NWD2: variants seen among roughly 807,000 people sequenced by gnomAD.
NWD2 encodes NACHT and WD repeat domain-containing protein 2.
A neutral mutation model predicts 132.7 loss-of-function variants in NWD2; 37 were observed. The observed-to-expected ratio is 0.28, with a 90% CI of 0.21 to 0.37. The LOEUF (loss-of-function observed/expected upper bound fraction) is 0.37. Ranked by LOEUF, NWD2 falls within the 10% of genes least tolerant of loss-of-function variation. The probability of loss-of-function intolerance (pLI) is 1.00; values close to 1 mark genes in which losing one functional copy is unlikely to be tolerated. For missense variants in NWD2, 1,592 were observed against 2,122.4 expected, an observed-to-expected ratio of 0.75 and a Z score of 4.91; for synonymous variants, 705 against 803.0, an observed-to-expected ratio of 0.88 and a Z score of 2.06.
chr4:37,413,949 C>T (rs936580717), intron 3 of NWD2, among the ~76,000 whole-genome samples: 10 of 151,910 alleles, frequency 6.6e-5, no homozygotes, highest in African/African-American at 2.4e-4. Context: ...GAGAAGGGAA[C>T]ATCACACACC....
intron 1 of NWD2, among the ~76,000 whole-genome samples, chr4:37,258,071 T>C (rs964334363): frequency 6.6e-6 from 1 of 152,272 alleles, no homozygotes; most frequent in Non-Finnish European, 1.5e-5. Context: ...ATCCTGTTAA[T>C]CTTTTAGACC....
chr4:37,442,902 G>A (rs189927522), intron 6 of NWD2, among the ~76,000 whole-genome samples: 2 of 151,742 alleles, frequency 1.3e-5, no homozygotes, highest in Admixed American at 1.3e-4. Flanking sequence ...AGGACCTACT[G>A]TGTGCCAACA....
chr4:37,258,245 CTATT>C (rs1366707755), intron 1 of NWD2, among the ~76,000 whole-genome samples: 5 of 152,246 alleles, frequency 3.3e-5, no homozygotes, highest in African/African-American at 9.6e-5. Context: ...GATTAAAAGA[CTATT>C]TAATTCCAAG....
At chr4:37,359,389 G>T (rs1553895476) in intron 3 of NWD2, among the ~76,000 whole-genome samples, 1 of 150,614 alleles carries the variant, frequency 6.6e-6, no homozygotes, top group Middle Eastern at 3.4e-3. Context: ...TATAGAAAAA[G>T]AAAAAAAAAG....
intron 2 of NWD2, among the ~76,000 whole-genome samples, chr4:37,333,702 A>G (rs1719339436): frequency 6.6e-6 from 1 of 152,130 alleles, no homozygotes; most frequent in Non-Finnish European, 1.5e-5. Flanking sequence ...ATCCAGGAAA[A>G]CATGATCTCC....
chr4:37,329,764 G>C (rs775001648), intron 2 of NWD2, among the ~76,000 whole-genome samples: 2 of 152,192 alleles, frequency 1.3e-5, no homozygotes, highest in African/African-American at 2.4e-5. Flanking sequence ...GAGGTGATAT[G>C]ACTTACCATT....
chr4:37,412,378 A>G (rs1163857258), intron 3 of NWD2, among the ~76,000 whole-genome samples: 1 of 152,232 alleles, frequency 6.6e-6, no homozygotes, highest in Non-Finnish European at 1.5e-5. Context: ...ACTCCCATTC[A>G]CAATTGCTAC....
chr4:37,420,414 G>A (rs977816921), intron 3 of NWD2, among the ~76,000 whole-genome samples: 3 of 152,218 alleles, frequency 2.0e-5, no homozygotes, highest in African/African-American at 7.2e-5. Context: ...GGCCGGGCAT[G>A]GTGGCTCACA....
chr4:37,358,352 G>T (rs73130367), intron 3 of NWD2, among the ~76,000 whole-genome samples: 1 of 150,168 alleles, frequency 6.7e-6, no homozygotes, highest in Non-Finnish European at 1.5e-5. Flanking sequence ...ACGTGGTTTG[G>T]GGGGGTTGGG....
chr4:37,426,958 C>T lies in NWD2; in HGVS notation c.358-3614C>T, dbSNP rs1421561184. ...CAGTCATGATGGTGCTGTCCAGGGA[C>T]AAGATCTTGTTTCTGTTCTCTCTCT... On this transcript the variant is annotated intron_variant, in intron 3 of 6. Transcript: ENST00000309447. 2.0e-5 allele frequency among the ~76,000 whole-genome samples: 3 copies of T among 152,156 alleles called. No individual in the cohort carries two copies. In the East Asian group the frequency reaches 5.8e-4, roughly 29 times the overall value.
At chr4:37,428,951 CAAACT>C (rs1712086389) in intron 3 of NWD2, among the ~76,000 whole-genome samples, 1 of 152,130 alleles carries the variant, frequency 6.6e-6, no homozygotes, top group Non-Finnish European at 1.5e-5. Flanking sequence ...AGGCTGATCT[CAAACT>C]CCTGACCTGA....
At chr4:37,316,061 T>A (rs1055084732) in intron 1 of NWD2, among the ~76,000 whole-genome samples, 21 of 151,800 alleles carry the variant, frequency 1.4e-4, no homozygotes, top group Non-Finnish European at 2.5e-4. Flanking sequence ...AAGATCTACT[T>A]ATATAGTCTT....
intron 1 of NWD2, among the ~76,000 whole-genome samples, chr4:37,299,989 C>T (rs13132778): frequency 6.6e-6 from 1 of 152,122 alleles, no homozygotes; most frequent in Non-Finnish European, 1.5e-5. Context: ...TGTGCTACTT[C>T]CTCAAATACA....
At chr4:37,363,713 T>C (rs1329106553) in intron 3 of NWD2, among the ~76,000 whole-genome samples, 1 of 152,182 alleles carries the variant, frequency 6.6e-6, no homozygotes, top group Non-Finnish European at 1.5e-5. Flanking sequence ...GGTACTATGC[T>C]GAGCACCTGG....
intron 3 of NWD2, among the ~76,000 whole-genome samples, chr4:37,388,650 A>G (rs12505051): frequency 0.024 from 3,535 of 147,436 alleles, 100 homozygotes; most frequent in African/African-American, 0.063. Context: ...ATAAATATAT[A>G]TATCATATAT....
At chr4:37,341,104 T>C (rs11096867) in intron 2 of NWD2, among the ~76,000 whole-genome samples, 3,487 of 152,340 alleles carry the variant, frequency 0.023, 100 homozygotes, top group East Asian at 0.12. Context: ...ACACATTCAG[T>C]AGAAACTGCA....
chr4:37,259,802 C>T (rs1260304951), intron 1 of NWD2, among the ~76,000 whole-genome samples: 1 of 152,146 alleles, frequency 6.6e-6, no homozygotes, highest in Non-Finnish European at 1.5e-5. Context: ...ACCGTAGTGC[C>T]AGGAGAAAAG....
At chr4:37,345,508 G>A (rs1168517608) in intron 2 of NWD2, among the ~76,000 whole-genome samples, 1 of 152,060 alleles carries the variant, frequency 6.6e-6, no homozygotes, top group African/African-American at 2.4e-5. Context: ...ATTCTGTGAA[G>A]AAATGTCTAC....
chr4:37,318,646 A>T (rs1719007605), intron 1 of NWD2, among the ~76,000 whole-genome samples: 1 of 152,086 alleles, frequency 6.6e-6, no homozygotes, highest in South Asian at 2.1e-4. Context: ...TATATCCATT[A>T]GTAACCAGTG....
Sources: gnomAD v4.1 joint callset for allele counts (sites outside exome capture counted in the v4.1 genomes callset) on GRCh38, gnomAD v4.1.1 for gene constraint, MANE v1.5 for transcripts, NCBI Gene and HGNC (gene_info 2026-07-23, HGNC 2026-07-21) for gene names.